The following NEK10 variants were observed in gnomAD, a reference collection of about 807,000 sequenced individuals.
The protein encoded by NEK10 is NIMA related kinase 10, also known as serine/threonine-protein kinase Nek10.
A neutral mutation model predicts 159.8 loss-of-function variants in NEK10; 122 were observed. The observed-to-expected ratio is 0.76, with a 90% confidence interval of 0.66 to 0.89. NEK10 has a LOEUF of 0.89. NEK10 is among the 40% of genes least tolerant of loss of function. The pLI, the probability that NEK10 is intolerant of heterozygous loss-of-function variation, is 0.00. For synonymous variants in NEK10, 466 were observed against 457.1 expected (o/e 1.02, Z -0.25); for missense variants, 1,342 against 1,323.1 (o/e 1.01, Z -0.22).
Position 27,331,262 on chromosome 3 carries a change from A to AAAAAAAAAAAAAAAAAAAAAACAC in NEK10, c.363-9002_363-9001insGTGTTTTTTTTTTTTTTTTTTTTT. 1.6e-4 allele frequency among the ~76,000 whole-genome samples: 18 copies of AAAAAAAAAAAAAAAAAAAAAACAC among 110,126 alleles called. 1 individual carries two copies. The highest frequency in any genetic ancestry group is 2.7e-4 in the Non-Finnish European group (14 of 51,048). 72.2% of individuals were successfully genotyped at this position (110,126 alleles called of 152,430 possible). A position where few individuals can be genotyped will look rare whatever the true frequency, so the allele number is the denominator to read the frequency against. On this transcript the variant is annotated intron_variant, in intron 5 of 35. Transcript: ENST00000691995. ...CAAAAAAAAAAAAACAAAAAAAAAAAACACACAAACCTAAGACTTTTGAGG... is the reference window on the plus strand; with the variant it reads ...CAAAAAAAAAAAAACAAAAAAAAAAAAAAAAAAAAAAAAAAAAAAAACACACACACAAACCTAAGACTTTTGAGG...
rs115053911 is a variant in NEK10, at chr3:27,211,143, T to C, written c.2091-8586A>G. Among the ~76,000 whole-genome samples, 945 of 152,342 alleles carry C rather than the reference T, an allele frequency of 6.2e-3. 3 individuals are homozygous for C. The highest frequency in any genetic ancestry group is 0.01 in the Non-Finnish European group (713 of 68,034). ...TGAGTCAAATCAGACTCAATTTTCA[T>C]TTCTCCACTAGGATCAGTGGACATT... On this transcript the variant is annotated intron_variant, in intron 23 of 35. Coordinates refer to ENST00000691995, the MANE Select transcript of NEK10 (RefSeq NM_001394966.1).
intron 20 of NEK10, among the ~76,000 whole-genome samples, chr3:27,285,793 T>C (rs1206459773): frequency 6.6e-6 from 1 of 152,168 alleles, no homozygotes; most frequent in African/African-American, 2.4e-5. Flanking sequence ...TAATTTATGC[T>C]TTTTTTCATT....
chr3:27,124,899 G>A (rs1941765289), intron 32 of NEK10, among the ~76,000 whole-genome samples: 3 of 152,166 alleles, frequency 2.0e-5, no homozygotes, highest in Admixed American at 2.0e-4. Context: ...GTAGTCCAAT[G>A]CAAGTGCTGT....
chr3:27,337,992 C>T (rs946123004), intron 5 of NEK10, among the ~76,000 whole-genome samples: 1 of 152,078 alleles, frequency 6.6e-6, no homozygotes, highest in South Asian at 2.1e-4. Flanking sequence ...ATGTGCACAA[C>T]GTGCAGGTTT....
chr3:27,264,548 C>T (rs1209790538), intron 22 of NEK10, among the ~76,000 whole-genome samples: 1 of 152,128 alleles, frequency 6.6e-6, no homozygotes, highest in African/African-American at 2.4e-5. Flanking sequence ...GCAATATATC[C>T]ATGTAACAAA....
intron 23 of NEK10, among the ~76,000 whole-genome samples, chr3:27,223,983 C>T (rs933892979): frequency 6.6e-6 from 1 of 152,174 alleles, no homozygotes; most frequent in Non-Finnish European, 1.5e-5. Context: ...AGTCCTAACT[C>T]ACAGTACCTG....
chr3:27,346,928 T>C (rs2047595606), intron 3 of NEK10, among the ~76,000 whole-genome samples: 3 of 152,252 alleles, frequency 2.0e-5, no homozygotes, highest in Non-Finnish European at 4.4e-5. Flanking sequence ...TGTCAGGTTA[T>C]CAGTATTCAA....
chr3:27,267,729 A>T (rs1202150802), intron 22 of NEK10, among the ~76,000 whole-genome samples: 1 of 152,218 alleles, frequency 6.6e-6, no homozygotes, highest in East Asian at 1.9e-4. Flanking sequence ...AGACACAATA[A>T]TATTGAAATT....
intron 22 of NEK10, among the ~76,000 whole-genome samples, chr3:27,273,118 A>G (rs2041500749): frequency 6.6e-6 from 1 of 152,176 alleles, no homozygotes; most frequent in Non-Finnish European, 1.5e-5. Flanking sequence ...GCATGCTCAA[A>G]GGCCCTATGG....
chr3:27,220,167 C>T (rs1389611521), intron 23 of NEK10, among the ~76,000 whole-genome samples: 6 of 152,162 alleles, frequency 3.9e-5, no homozygotes, highest in Non-Finnish European at 8.8e-5. Context: ...TGTTGCTGTG[C>T]AAATCACCAC....
At chr3:27,346,463 T>C (rs986031738) in intron 3 of NEK10, among the ~76,000 whole-genome samples, 3 of 152,236 alleles carry the variant, frequency 2.0e-5, no homozygotes, top group Admixed American at 1.3e-4. Flanking sequence ...CAGTTATTTA[T>C]GTACTTTTAG....
chr3:27,161,612 G>C (rs1946017635), intron 30 of NEK10, among the ~76,000 whole-genome samples: 1 of 152,080 alleles, frequency 6.6e-6, no homozygotes, highest in South Asian at 2.1e-4. Context: ...GAATTGTCTA[G>C]GTTTAGCTAA....
chr3:27,259,544 T>C (rs1470633677), intron 22 of NEK10, among the ~76,000 whole-genome samples: 1 of 152,210 alleles, frequency 6.6e-6, no homozygotes, highest in Non-Finnish European at 1.5e-5. Context: ...TGCGGCATTA[T>C]TTCTGAGGGC....
chr3:27,337,290 A>C (rs1486440126), intron 5 of NEK10, among the ~76,000 whole-genome samples: 1 of 152,194 alleles, frequency 6.6e-6, no homozygotes, highest in African/African-American at 2.4e-5. Context: ...GTCTACAAGG[A>C]AAACTACAAA....
At position 27,304,811 on chromosome 3, in the gene NEK10, G is replaced by A. The variant is rs1359815443; in HGVS notation, c.964C>T (p.Pro322Ser). 1.2e-6 allele frequency: 2 copies of A among 1,613,818 alleles called. No homozygotes were observed. The highest frequency in any genetic ancestry group is 4.5e-5 in the East Asian group (2 of 44,870). The change falls in exon 12 of 36, where the codon CCT (proline) becomes TCT (serine). Residue 322 changes from proline (P) to serine (S), a missense_variant. Pro to Ser is a moderately conservative substitution (Grantham distance 74). Coordinates refer to ENST00000691995, the MANE Select transcript of NEK10 (RefSeq NM_001394966.1). ...VWILVQVCED[P>S]ETSVEIRIWG... ...ATGCGAATTTCCACGCTGGTCTCAG[G>A]GTCCTCACAAACCTGTACCAGAATC...
intron 4 of NEK10, 52 bp from the exon 5 acceptor site, chr3:27,344,422 A>C: frequency 1.1e-6 from 1 of 935,980 alleles, no homozygotes; most frequent in South Asian, 1.4e-5. Context: ...AGGCTGTCTC[A>C]AAGTTGCCAG....
intron 23 of NEK10, among the ~76,000 whole-genome samples, chr3:27,243,077 C>T (rs537739732): frequency 3.6e-4 from 55 of 152,178 alleles, no homozygotes; most frequent in African/African-American, 7.5e-4. Flanking sequence ...TCCAAAGAGA[C>T]GCTTGAATTT....
intron 8 of NEK10, 85 bp downstream of exon 8, chr3:27,312,014 A>G (rs777112497): frequency 1.2e-4 from 99 of 845,130 alleles, no homozygotes; most frequent in Non-Finnish European, 1.9e-4. Context: ...AAATATTTAA[A>G]GTATCCTTGT....
rs548856209 is a variant in NEK10, at chr3:27,162,704, G to A, written c.2866C>T (p.Pro956Ser). The change falls in exon 30 of 36, where the codon CCA (proline) becomes TCA (serine). Residue 956 changes from proline to serine, a missense_variant. Transcript: ENST00000691995. ...ATTGCTACCAACACTAAGTTACCTG[G>A]TCTTGGTCTTGATCCTGTTCCTCCA... is the stretch of plus-strand genomic sequence containing the variant. ...FTGGTGSRPR[P>S]ASAGIAVSQR... 4.0e-5 allele frequency: 64 copies of A among 1,614,038 alleles called. 1 individual carries two copies. In the South Asian group the frequency reaches 6.3e-4, roughly 16 times the overall value.
Sources: gnomAD v4.1 joint callset for allele counts (sites outside exome capture counted in the v4.1 genomes callset) on GRCh38, gnomAD v4.1.1 for gene constraint, MANE v1.5 for transcripts, NCBI Gene and HGNC (gene_info 2026-07-23, HGNC 2026-07-21) for gene names.